The following HS6ST3 variants were observed in gnomAD, a reference collection of about 807,000 sequenced individuals.
The protein encoded by HS6ST3 is heparan-sulfate 6-O-sulfotransferase 3.
In HS6ST3, 12 loss-of-function variants were observed where a neutral mutation model predicts 36.7. That is an observed-to-expected ratio of 0.33 (90% CI 0.21 to 0.53). HS6ST3 has a LOEUF of 0.53. Among genes scored for constraint, HS6ST3 ranks in the 20% least tolerant of loss-of-function variants. HS6ST3 has a pLI of 0.95. For synonymous variants in HS6ST3, 240 were observed against 257.5 expected, an observed-to-expected ratio of 0.93 and a Z score of 0.65; for missense variants, 584 against 640.9, an observed-to-expected ratio of 0.91 and a Z score of 0.96.
intron 1 of HS6ST3, among the ~76,000 whole-genome samples, chr13:96,094,382 A>G (rs1206771657): frequency 3.3e-5 from 5 of 152,186 alleles, no homozygotes; most frequent in Non-Finnish European, 7.3e-5. Flanking sequence ...TTCTTCCTAA[A>G]AAACCATGAG....
intron 1 of HS6ST3, among the ~76,000 whole-genome samples, chr13:96,749,078 T>A (rs1876632650): frequency 6.6e-6 from 1 of 152,168 alleles, no homozygotes; most frequent in Non-Finnish European, 1.5e-5. Flanking sequence ...AAATTAACCG[T>A]TGATTCCACA....
At chr13:96,637,334 GTGGGTACAGAAAGAT>G (rs1282164922) in intron 1 of HS6ST3, among the ~76,000 whole-genome samples, 5 of 152,272 alleles carry the variant, frequency 3.3e-5, no homozygotes, top group African/African-American at 1.2e-4. Flanking sequence ...TGTACACTGT[GTGGGTACAGAAAGAT>G]TTCATGCTAT....
At chr13:96,214,159 A>G (rs1489394936) in intron 1 of HS6ST3, among the ~76,000 whole-genome samples, 2 of 152,164 alleles carry the variant, frequency 1.3e-5, no homozygotes, top group African/African-American at 4.8e-5. Flanking sequence ...TTTCATTTTT[A>G]GAAACTATAT....
At chr13:96,592,190 A>G (rs1458365219) in intron 1 of HS6ST3, among the ~76,000 whole-genome samples, 1 of 152,126 alleles carries the variant, frequency 6.6e-6, no homozygotes, top group Non-Finnish European at 1.5e-5. Context: ...CTTTGGTATA[A>G]AGGTAATACT....
intron 1 of HS6ST3, among the ~76,000 whole-genome samples, chr13:96,788,344 A>G (rs750887230): frequency 1.7e-4 from 26 of 151,894 alleles, no homozygotes; most frequent in Non-Finnish European, 3.5e-4. Context: ...TATATTCACT[A>G]TATTGAATTG....
At chr13:96,387,926 G>A (rs186463694) in intron 1 of HS6ST3, among the ~76,000 whole-genome samples, 1 of 152,126 alleles carries the variant, frequency 6.6e-6, no homozygotes, top group Non-Finnish European at 1.5e-5. Context: ...CAGCCATCTG[G>A]TGTAGGTTTC....
At chr13:96,662,142 C>G (rs1282082999) in intron 1 of HS6ST3, among the ~76,000 whole-genome samples, 1 of 152,138 alleles carries the variant, frequency 6.6e-6, no homozygotes, top group Non-Finnish European at 1.5e-5. Context: ...ATCTACATCT[C>G]TAGCAAGCCT....
chr13:96,572,233 A>G (rs2056303369), intron 1 of HS6ST3, among the ~76,000 whole-genome samples: 1 of 152,224 alleles, frequency 6.6e-6, no homozygotes, highest in Non-Finnish European at 1.5e-5. Context: ...ACTCTCTGTG[A>G]GTAGTGAAAA....
chr13:96,378,790 T>C (rs1483111075), intron 1 of HS6ST3, among the ~76,000 whole-genome samples: 1 of 152,200 alleles, frequency 6.6e-6, no homozygotes, highest in Non-Finnish European at 1.5e-5. Context: ...GGCATACCTC[T>C]ACCTATAAAG....
intron 1 of HS6ST3, among the ~76,000 whole-genome samples, chr13:96,610,191 A>G (rs1408446428): frequency 1.3e-5 from 2 of 152,184 alleles, no homozygotes; most frequent in African/African-American, 4.8e-5. Flanking sequence ...GCTTCAATTT[A>G]TGCATTTCAA....
At chr13:96,514,070 G>T (rs978502359) in intron 1 of HS6ST3, among the ~76,000 whole-genome samples, 2 of 152,112 alleles carry the variant, frequency 1.3e-5, no homozygotes, top group Admixed American at 1.3e-4. Context: ...AGAAGCAGTA[G>T]GGATGTGAGT....
intron 1 of HS6ST3, among the ~76,000 whole-genome samples, chr13:96,512,660 G>A (rs1384464110): frequency 1.3e-5 from 2 of 151,800 alleles, no homozygotes; most frequent in Non-Finnish European, 2.9e-5. Context: ...CATTGTGAGT[G>A]GTTTATTAGT....
intron 1 of HS6ST3, among the ~76,000 whole-genome samples, chr13:96,347,506 T>G (rs2139429300): frequency 6.6e-6 from 1 of 152,290 alleles, no homozygotes; most frequent in African/African-American, 2.4e-5. Flanking sequence ...AACGTTGCTG[T>G]TTGGGGGAAT....
intron 1 of HS6ST3, among the ~76,000 whole-genome samples, chr13:96,440,175 G>A (rs368433182): frequency 6.6e-6 from 1 of 152,142 alleles, no homozygotes; most frequent in Non-Finnish European, 1.5e-5. Context: ...GGCTGGATGC[G>A]GTGGCTCACG....
chr13:96,173,646 T>C (rs1194806204), intron 1 of HS6ST3, among the ~76,000 whole-genome samples: 1 of 132,628 alleles, frequency 7.5e-6, no homozygotes, highest in Non-Finnish European at 1.5e-5. Context: ...CAGACTTCTT[T>C]GAATAGGCAG....
At chr13:96,785,152 G>A (rs1345054503) in intron 1 of HS6ST3, among the ~76,000 whole-genome samples, 2 of 152,026 alleles carry the variant, frequency 1.3e-5, no homozygotes, top group African/African-American at 2.4e-5. Context: ...CTGGGCGACA[G>A]AGTGAGACCC....
chr13:96,286,292 T>A (rs1189954119), intron 1 of HS6ST3, among the ~76,000 whole-genome samples: 1 of 152,172 alleles, frequency 6.6e-6, no homozygotes, highest in Non-Finnish European at 1.5e-5. Context: ...TGATTCTTAA[T>A]CATTTAGCCC....
chr13:96,656,823 C>T (rs116501154), intron 1 of HS6ST3, among the ~76,000 whole-genome samples: 271 of 152,220 alleles, frequency 1.8e-3, no homozygotes, highest in African/African-American at 6.4e-3. Flanking sequence ...AGCAAACTGA[C>T]TGGATTGACG....
chr13:96,254,157 TG>T (rs1352031622), intron 1 of HS6ST3, among the ~76,000 whole-genome samples: 1 of 151,952 alleles, frequency 6.6e-6, no homozygotes, highest in Non-Finnish European at 1.5e-5. Context: ...GGCTCATGCC[TG>T]TAATCCCAGC....
Sources: gnomAD v4.1 joint callset for allele counts (sites outside exome capture counted in the v4.1 genomes callset) on GRCh38, gnomAD v4.1.1 for gene constraint, MANE v1.5 for transcripts, NCBI Gene and HGNC (gene_info 2026-07-23, HGNC 2026-07-21) for gene names.